AGBL4: variants seen among roughly 807,000 people sequenced by gnomAD.
AGBL4 encodes AGBL carboxypeptidase 4.
In AGBL4, 58 loss-of-function variants were observed where a neutral mutation model predicts 66.4. That is an observed-to-expected ratio of 0.87 (90% confidence interval 0.71 to 1.09). The LOEUF is 1.09. Among genes scored for constraint, AGBL4 ranks in the 50% least tolerant of loss-of-function variants. The probability of loss-of-function intolerance (pLI) is 0.00; values close to 1 mark genes in which losing one functional copy is unlikely to be tolerated. For synonymous variants in AGBL4, 234 were observed against 222.9 expected, an observed-to-expected ratio of 1.05 and a Z score of -0.44; for missense variants, 579 against 631.0, an observed-to-expected ratio of 0.92 and a Z score of 0.88.
intron 1 of AGBL4, among the ~76,000 whole-genome samples, chr1:49,978,255 C>A (rs1196455094): frequency 6.6e-6 from 1 of 151,988 alleles, no homozygotes; most frequent in African/African-American, 2.4e-5. Flanking sequence ...TTGAGACCAC[C>A]CTGGGCAACA....
At chr1:48,949,284 A>G (rs1429886449) in intron 5 of AGBL4, among the ~76,000 whole-genome samples, 1 of 152,202 alleles carries the variant, frequency 6.6e-6, no homozygotes, top group Non-Finnish European at 1.5e-5. Flanking sequence ...TGCCTGAGAA[A>G]TCTAATGAGC....
chr1:48,761,161 G>T, intron 6 of AGBL4: 1 of 659,524 alleles, frequency 1.5e-6, no homozygotes, highest in Non-Finnish European at 2.5e-6. Context: ...CTAGAAAGTT[G>T]GCCAGCAAGG....
intron 6 of AGBL4, among the ~76,000 whole-genome samples, chr1:48,777,498 T>TTTG (rs1557985681): frequency 4.5e-4 from 68 of 152,050 alleles, no homozygotes; most frequent in African/African-American, 1.6e-3. Flanking sequence ...CTTTCTTTCT[T>TTTG]TTTGTTTGTT....
chr1:49,515,252 G>C (rs1450548364), intron 3 of AGBL4, among the ~76,000 whole-genome samples: 1 of 152,080 alleles, frequency 6.6e-6, no homozygotes, highest in Non-Finnish European at 1.5e-5. Flanking sequence ...CTTCTCAAAA[G>C]AAGATATTTA....
At chr1:48,877,110 G>T (rs1196845174) in intron 5 of AGBL4, among the ~76,000 whole-genome samples, 3 of 152,120 alleles carry the variant, frequency 2.0e-5, no homozygotes, top group African/African-American at 7.2e-5. Flanking sequence ...ATATTGTTCT[G>T]TACTGTTTAC....
chr1:49,679,764 G>A (rs1646652354), intron 3 of AGBL4, among the ~76,000 whole-genome samples: 1 of 151,990 alleles, frequency 6.6e-6, no homozygotes, highest in African/African-American at 2.4e-5. Flanking sequence ...GTTGCTCTAG[G>A]TAGCATACCA....
intron 2 of AGBL4, among the ~76,000 whole-genome samples, chr1:49,758,734 C>T (rs1652084935): frequency 6.7e-6 from 1 of 149,558 alleles, no homozygotes; most frequent in Non-Finnish European, 1.5e-5. Flanking sequence ...TTAACAGGCT[C>T]ATAGATGGAA....
intron 2 of AGBL4, among the ~76,000 whole-genome samples, chr1:49,848,247 C>T (rs890355746): frequency 6.6e-6 from 1 of 152,100 alleles, no homozygotes; most frequent in African/African-American, 2.4e-5. Context: ...CATTCAATAC[C>T]ATTCAATTCA....
chr1:49,311,476 T>C (rs1347360643), intron 3 of AGBL4, among the ~76,000 whole-genome samples: 1 of 152,054 alleles, frequency 6.6e-6, no homozygotes, highest in Admixed American at 6.6e-5. Flanking sequence ...AAATATGTTC[T>C]ATACCCAGCT....
rs534790449 is a variant in AGBL4, at chr1:48,678,736, C to G, written c.635-15495G>C. ...GGTAAATGTCTATTTGTCTTCCCATCTTCTAGCAAGGCCATTCTCCAGTTC... is the reference window on the plus strand; with the variant it reads ...GGTAAATGTCTATTTGTCTTCCCATGTTCTAGCAAGGCCATTCTCCAGTTC... On this transcript the variant is annotated intron_variant, in intron 6 of 13. Transcript: ENST00000371839. 7.9e-5 allele frequency among the ~76,000 whole-genome samples: 12 copies of G among 152,362 alleles called. No homozygotes were observed. The South Asian group carries it at 2.5e-3, about 32-fold the overall frequency.
At chr1:49,461,283 G>A (rs552602136) in intron 3 of AGBL4, among the ~76,000 whole-genome samples, 2 of 151,298 alleles carry the variant, frequency 1.3e-5, no homozygotes, top group Non-Finnish European at 3.0e-5. Flanking sequence ...CTTCTTGCAG[G>A]CTTTGTTCAT....
At chr1:49,618,706 A>G (rs550986806) in intron 3 of AGBL4, among the ~76,000 whole-genome samples, 10 of 152,350 alleles carry the variant, frequency 6.6e-5, no homozygotes, top group South Asian at 2.1e-4. Context: ...ATGAACATCA[A>G]TGCAAAAATC....
At chr1:49,882,404 GT>G (rs1329844471) in intron 1 of AGBL4, among the ~76,000 whole-genome samples, 4 of 151,208 alleles carry the variant, frequency 2.6e-5, no homozygotes, top group South Asian at 4.2e-4. Flanking sequence ...CTTTAAAGTA[GT>G]TTTTTCCAAT....
chr1:48,745,172 A>G (rs1345252106), intron 6 of AGBL4, among the ~76,000 whole-genome samples: 5 of 152,174 alleles, frequency 3.3e-5, no homozygotes, highest in Non-Finnish European at 7.3e-5. Context: ...TCTTCATGAC[A>G]TGAGAGGGGA....
chr1:49,746,249 T>C (rs1558216144), intron 2 of AGBL4, among the ~76,000 whole-genome samples: 1 of 151,930 alleles, frequency 6.6e-6, no homozygotes, highest in African/African-American at 2.4e-5. Context: ...CCTCTACACA[T>C]TGGCATGAAT....
At position 48,905,130 on chromosome 1, in the gene AGBL4, C is replaced by A. The variant is rs144729205; in HGVS notation, c.595-37900G>T. On this transcript the variant is annotated intron_variant, in intron 5 of 13. Transcript: ENST00000371839. ...ACGAGGAATCTTTAGGAGGTGGAAT[C>A]ATAAATTGTGGGTTACTCATTGGAT... Among the ~76,000 whole-genome samples the A allele has an allele frequency of 4.7e-4, 71 of 152,272 alleles. No individual in the cohort carries two copies. The East Asian group carries it at 0.013, about 27-fold the overall frequency.
At chr1:48,860,221 G>A (rs1934389) in intron 6 of AGBL4, among the ~76,000 whole-genome samples, 137,381 of 152,248 alleles carry the variant, frequency 0.9, 62,348 homozygotes, top group Non-Finnish European at 0.96. Context: ...AGAAGAAACT[G>A]TAGTTGAACT....
chr1:48,758,795 G>C (rs534855156), intron 6 of AGBL4: 2 of 1,039,166 alleles, frequency 1.9e-6, no homozygotes, highest in South Asian at 3.9e-5. Flanking sequence ...TCCTTCCCTA[G>C]CCTCAGGGCA....
At chr1:49,292,302 G>A (rs1051911775) in intron 3 of AGBL4, among the ~76,000 whole-genome samples, 9 of 152,210 alleles carry the variant, frequency 5.9e-5, no homozygotes, top group Admixed American at 5.2e-4. Flanking sequence ...CTAAAGCCTG[G>A]ATGTCATGAA....
Sources: gnomAD v4.1 joint callset for allele counts (sites outside exome capture counted in the v4.1 genomes callset) on GRCh38, gnomAD v4.1.1 for gene constraint, MANE v1.5 for transcripts, NCBI Gene and HGNC (gene_info 2026-07-23, HGNC 2026-07-21) for gene names.